AUTS2: variants seen among roughly 807,000 people sequenced by gnomAD.
AUTS2 encodes the protein activator of transcription and developmental regulator AUTS2, also known as autism susceptibility gene 2 protein.
In AUTS2, 17 loss-of-function variants were observed where a neutral mutation model predicts 112.4. The observed-to-expected ratio is 0.15, with a 90% CI of 0.10 to 0.23. The LOEUF (loss-of-function observed/expected upper bound fraction) is 0.23, where lower values mean the gene tolerates loss of function less well. AUTS2 is among the 10% of genes least tolerant of loss of function. AUTS2 has a pLI of 1.00. For missense variants in AUTS2, 1,510 were observed against 1,701.6 expected (o/e 0.89, Z 1.98); for synonymous variants, 751 against 702.7 (o/e 1.07, Z -1.09).
At chr7:70,270,238 A>T (rs1410256301) in intron 4 of AUTS2, among the ~76,000 whole-genome samples, 1 of 152,202 alleles carries the variant, frequency 6.6e-6, no homozygotes, top group Non-Finnish European at 1.5e-5. Context: ...GATGCCAAGG[A>T]AAAATGAATA....
At chr7:69,884,648 A>G (rs551311809) in intron 1 of AUTS2, among the ~76,000 whole-genome samples, 2 of 152,324 alleles carry the variant, frequency 1.3e-5, no homozygotes, top group Admixed American at 6.5e-5. Context: ...AAATCTATCT[A>G]TAGGAAGCTT....
chr7:69,747,718 G>A (rs1180278582), intron 1 of AUTS2, among the ~76,000 whole-genome samples: 2 of 151,640 alleles, frequency 1.3e-5, no homozygotes. Flanking sequence ...CACAGTTTTT[G>A]TCATTGTGTG....
In AUTS2 at chr7:69,744,754, C is replaced by G. The variant is rs1393650201; in HGVS notation, c.309+144792C>G. Among the ~76,000 whole-genome samples, 4 of 152,068 alleles carry G rather than the reference C, an allele frequency of 2.6e-5. No individual in the cohort carries two copies. The South Asian group carries it at 8.3e-4, about 31-fold the overall frequency. ...GGGGATGCTGAGGATCACTTGAGCC[C>G]AGGAGGTGAAGGCTGCAGTGAGCTA... On this transcript the variant is annotated intron_variant, in intron 1 of 18. Transcript: ENST00000342771.
At chr7:70,061,550 C>A (rs557373194) in intron 2 of AUTS2, among the ~76,000 whole-genome samples, 1 of 152,190 alleles carries the variant, frequency 6.6e-6, no homozygotes, top group African/African-American at 2.4e-5. Context: ...ATGGCATTAT[C>A]CCTTGACTGT....
At chr7:69,744,512 T>C (rs1283814471) in intron 1 of AUTS2, among the ~76,000 whole-genome samples, 1 of 152,034 alleles carries the variant, frequency 6.6e-6, no homozygotes, top group Non-Finnish European at 1.5e-5. Flanking sequence ...TTTCACACTT[T>C]TAGAGCACCA....
chr7:70,593,688 G>T (rs906790042), intron 5 of AUTS2, among the ~76,000 whole-genome samples: 14 of 152,210 alleles, frequency 9.2e-5, no homozygotes, highest in African/African-American at 2.9e-4. Context: ...GTGCTGTTTA[G>T]TCCCCACAAC....
chr7:69,749,597 G>A (rs771088377), intron 1 of AUTS2, among the ~76,000 whole-genome samples: 10 of 152,166 alleles, frequency 6.6e-5, no homozygotes, highest in Non-Finnish European at 1.5e-4. Context: ...TTCTTTGGGT[G>A]TGGAAGCAGC....
At chr7:70,325,074 A>C (rs541497461) in intron 4 of AUTS2, among the ~76,000 whole-genome samples, 1 of 152,128 alleles carries the variant, frequency 6.6e-6, no homozygotes, top group African/African-American at 2.4e-5. Context: ...CCCTTATTCC[A>C]GTGCTAAGGG....
intron 2 of AUTS2, among the ~76,000 whole-genome samples, chr7:70,115,491 A>T (rs1343830241): frequency 6.6e-6 from 1 of 152,230 alleles, no homozygotes; most frequent in East Asian, 1.9e-4. Context: ...GTGTTGATCA[A>T]ATATCACCTA....
intron 1 of AUTS2, among the ~76,000 whole-genome samples, chr7:69,867,282 C>A (rs1354434086): frequency 1.3e-5 from 2 of 152,154 alleles, no homozygotes; most frequent in Non-Finnish European, 2.9e-5. Context: ...ATCTGGGCGG[C>A]CTGGCTGAAT....
At chr7:70,671,596 C>G (rs374550144) in intron 5 of AUTS2, among the ~76,000 whole-genome samples, 5 of 152,212 alleles carry the variant, frequency 3.3e-5, no homozygotes, top group African/African-American at 9.6e-5. Context: ...TTTCAAGGCT[C>G]TGCTTTGCAA....
At chr7:70,660,754 G>A (rs1330172796) in intron 5 of AUTS2, among the ~76,000 whole-genome samples, 1 of 152,164 alleles carries the variant, frequency 6.6e-6, no homozygotes, top group East Asian at 1.9e-4. Context: ...AAGGCTCTGG[G>A]GCTTTGTCAT....
chr7:70,176,583 A>G (rs1247129816), intron 4 of AUTS2, among the ~76,000 whole-genome samples: 1 of 152,242 alleles, frequency 6.6e-6, no homozygotes, highest in Admixed American at 6.5e-5. Context: ...GCCATTTGAT[A>G]ATGCTCAATC....
intron 6 of AUTS2, among the ~76,000 whole-genome samples, chr7:70,747,217 G>A (rs1788507707): frequency 1.3e-5 from 2 of 152,226 alleles, no homozygotes; most frequent in Non-Finnish European, 2.9e-5. Context: ...CATCTCTGAA[G>A]ATAAAGTTCA....
At chr7:70,082,371 G>A (rs1229508311) in intron 2 of AUTS2, among the ~76,000 whole-genome samples, 2 of 152,200 alleles carry the variant, frequency 1.3e-5, no homozygotes, top group African/African-American at 2.4e-5. Context: ...CTAATTCAAA[G>A]CAGGAGTCAG....
chr7:70,156,894 A>AAAGT (rs1807799869), intron 4 of AUTS2, among the ~76,000 whole-genome samples: 1 of 70,110 alleles, frequency 1.4e-5, no homozygotes, highest in Non-Finnish European at 2.6e-5. Context: ...CTAAAAGTAA[A>AAAGT]AAAAAAAAAA....
chr7:69,678,765 T>G (rs536531401), intron 1 of AUTS2, among the ~76,000 whole-genome samples: 5 of 152,246 alleles, frequency 3.3e-5, no homozygotes, highest in Admixed American at 6.5e-5. Context: ...GAGCCATTCA[T>G]GGAGACAGAT....
intron 4 of AUTS2, among the ~76,000 whole-genome samples, chr7:70,135,926 A>G (rs1806534808): frequency 6.6e-6 from 1 of 152,170 alleles, no homozygotes; most frequent in Non-Finnish European, 1.5e-5. Context: ...TCCAAAAGCT[A>G]AAGCCTCCCC....
intron 5 of AUTS2, among the ~76,000 whole-genome samples, chr7:70,600,477 T>C (rs1188025490): frequency 6.6e-6 from 1 of 152,150 alleles, no homozygotes; most frequent in African/African-American, 2.4e-5. Context: ...GGTTTTGCCA[T>C]GTTGGCCAGA....
Sources: gnomAD v4.1 joint callset for allele counts (sites outside exome capture counted in the v4.1 genomes callset) on GRCh38, gnomAD v4.1.1 for gene constraint, MANE v1.5 for transcripts, NCBI Gene and HGNC (gene_info 2026-07-23, HGNC 2026-07-21) for gene names.